Variants in DOK6 observed in about 807,000 individuals in gnomAD.
DOK6 encodes the protein docking protein 6.
DOK6 carries 22 observed loss-of-function variants against 44.0 expected under a neutral mutation model. The observed-to-expected ratio is 0.50, with a 90% CI of 0.36 to 0.71. DOK6 has a LOEUF of 0.71. Among genes scored for constraint, DOK6 ranks in the 30% least tolerant of loss-of-function variants. The probability of loss-of-function intolerance (pLI) is 0.00; values close to 1 mark genes in which losing one functional copy is unlikely to be tolerated. For missense variants in DOK6, 340 were observed against 416.4 expected, an observed-to-expected ratio of 0.82 and a Z score of 1.60; for synonymous variants, 166 against 145.5, an observed-to-expected ratio of 1.14 and a Z score of -1.01.
intron 1 of DOK6, among the ~76,000 whole-genome samples, chr18:69,551,638 TAG>T (rs1982568863): frequency 6.6e-6 from 1 of 152,156 alleles, no homozygotes; most frequent in East Asian, 1.9e-4. Flanking sequence ...AACACATATA[TAG>T]ATTAGAAACA....
At chr18:69,816,627 G>GGTATTATTATC (rs1981406528) in intron 7 of DOK6, among the ~76,000 whole-genome samples, 1 of 152,092 alleles carries the variant, frequency 6.6e-6, no homozygotes, top group South Asian at 2.1e-4. Context: ...CCATGAAGTA[G>GGTATTATTATC]GTATTATTAT....
Position 69,429,525 on chromosome 18 carries a change from G to A in DOK6, c.66+28215G>A, listed in dbSNP as rs551020805. The stretch of plus-strand genomic sequence containing the variant: ...CTTGAGATTTTATGCTTAAATATAT[G>A]TTGAAAACCACAATGTATTCAATCA... On this transcript the variant is annotated intron_variant, in intron 1 of 7. Transcript: ENST00000382713. 2.0e-5 allele frequency among the ~76,000 whole-genome samples: 3 copies of A among 149,508 alleles called. No individual in the cohort carries two copies. The East Asian group carries it at 5.9e-4, about 29-fold the overall frequency.
At chr18:69,536,260 G>C (rs1394686184) in intron 1 of DOK6, among the ~76,000 whole-genome samples, 1 of 152,150 alleles carries the variant, frequency 6.6e-6, no homozygotes, top group Non-Finnish European at 1.5e-5. Flanking sequence ...TGCAGAATCT[G>C]TGGTAAAAAT....
chr18:69,727,725 G>A (rs1418718601), intron 5 of DOK6, among the ~76,000 whole-genome samples: 1 of 152,210 alleles, frequency 6.6e-6, no homozygotes, highest in Non-Finnish European at 1.5e-5. Context: ...CTTTACAACT[G>A]TAGCAGATTC....
chr18:69,523,602 T>C (rs1599172478), intron 1 of DOK6, among the ~76,000 whole-genome samples: 1 of 152,178 alleles, frequency 6.6e-6, no homozygotes, highest in East Asian at 1.9e-4. Flanking sequence ...TTAAAAACAT[T>C]TTCACTTTAA....
At chr18:69,442,029 C>A (rs1979150840) in intron 1 of DOK6, among the ~76,000 whole-genome samples, 1 of 152,084 alleles carries the variant, frequency 6.6e-6, no homozygotes, top group African/African-American at 2.4e-5. Flanking sequence ...GGTAAGAGAA[C>A]AAGGTAGTCA....
At chr18:69,518,148 TG>T (rs1694205662) in intron 1 of DOK6, among the ~76,000 whole-genome samples, 1 of 152,208 alleles carries the variant, frequency 6.6e-6, no homozygotes. Flanking sequence ...TCCTTAATTT[TG>T]GGAAAGCATT....
At chr18:69,652,693 G>A (rs1985260892) in intron 3 of DOK6, among the ~76,000 whole-genome samples, 1 of 152,082 alleles carries the variant, frequency 6.6e-6, no homozygotes, top group African/African-American at 2.4e-5. Flanking sequence ...TGGGTTCTCA[G>A]GGACACCTGC....
chr18:69,476,012 C>A (rs76346252), intron 1 of DOK6, among the ~76,000 whole-genome samples: 27,556 of 152,028 alleles, frequency 0.18, 3,009 homozygotes, highest in Non-Finnish European at 0.22. Context: ...AGTACCCAAC[C>A]ATTTTTCAGT....
intron 3 of DOK6, among the ~76,000 whole-genome samples, chr18:69,605,307 C>T (rs1242588908): frequency 1.3e-5 from 2 of 152,072 alleles, no homozygotes; most frequent in Non-Finnish European, 2.9e-5. Context: ...CTCCCTGCAG[C>T]CCCATGCGAA....
chr18:69,742,362 C>T (rs1183870320), intron 6 of DOK6, among the ~76,000 whole-genome samples: 3 of 148,450 alleles, frequency 2.0e-5, no homozygotes, highest in East Asian at 2.0e-4. Flanking sequence ...TGCAGTGAGC[C>T]GAGTTCGTGC....
chr18:69,497,449 T>A (rs1980924375), intron 1 of DOK6, among the ~76,000 whole-genome samples: 1 of 151,986 alleles, frequency 6.6e-6, no homozygotes, highest in African/African-American at 2.4e-5. Flanking sequence ...AAAGGGAGAA[T>A]CGTTCATGTG....
At position 69,773,298 on chromosome 18, in the gene DOK6, T is replaced by C. The variant is rs895491891; in HGVS notation, c.856+15425T>C. Reference sequence around the variant, plus strand: ...AACAGTATGAAGATTCCCAAAACAATTAAAAATAGAAATACATAAAATCCA... The same window carrying C: ...AACAGTATGAAGATTCCCAAAACAACTAAAAATAGAAATACATAAAATCCA... On this transcript the variant is annotated intron_variant, in intron 7 of 7. Coordinates refer to ENST00000382713, the MANE Select transcript of DOK6 (RefSeq NM_152721.6). 1.1e-3 allele frequency among the ~76,000 whole-genome samples: 172 copies of C among 151,850 alleles called. 1 individual carries two copies. The highest frequency in any genetic ancestry group is 3.8e-3 in the African/African-American group (158 of 41,454).
At chr18:69,648,153 C>G (rs1985132557) in intron 3 of DOK6, among the ~76,000 whole-genome samples, 1 of 152,090 alleles carries the variant, frequency 6.6e-6, no homozygotes, top group South Asian at 2.1e-4. Flanking sequence ...GAAAATGAAA[C>G]TACGGCCACA....
chr18:69,610,923 G>A (rs1233307157), intron 3 of DOK6, among the ~76,000 whole-genome samples: 1 of 151,986 alleles, frequency 6.6e-6, no homozygotes, highest in South Asian at 2.1e-4. Context: ...TGGATATTTA[G>A]GAGCAACTGT....
At chr18:69,456,219 A>C (rs1048422440) in intron 1 of DOK6, among the ~76,000 whole-genome samples, 2 of 152,096 alleles carry the variant, frequency 1.3e-5, no homozygotes, top group Admixed American at 6.6e-5. Flanking sequence ...TTTTCTATAC[A>C]AGGGGTACTT....
At chr18:69,435,261 T>C (rs1449726745) in intron 1 of DOK6, among the ~76,000 whole-genome samples, 1 of 152,208 alleles carries the variant, frequency 6.6e-6, no homozygotes, top group Admixed American at 6.5e-5. Context: ...GGCCAGTCAC[T>C]AGGCTCAGGT....
At chr18:69,563,610 A>G (rs1403885255) in intron 1 of DOK6, among the ~76,000 whole-genome samples, 1 of 138,418 alleles carries the variant, frequency 7.2e-6, no homozygotes, top group African/African-American at 2.7e-5. Flanking sequence ...ATGAGAACAC[A>G]TGGACACAGG....
At chr18:69,568,124 C>A (rs1411606819) in intron 2 of DOK6, among the ~76,000 whole-genome samples, 1 of 152,212 alleles carries the variant, frequency 6.6e-6, no homozygotes, top group African/African-American at 2.4e-5. Flanking sequence ...CCCTGGCTCC[C>A]CCATGTTCAA....
Sources: allele counts gnomAD v4.1 joint callset (sites outside exome capture counted in the v4.1 genomes callset), GRCh38; gene constraint gnomAD v4.1.1; transcripts MANE v1.5; gene names NCBI Gene and HGNC (gene_info 2026-07-23, HGNC 2026-07-21).